The following ZSWIM6 variants were observed in gnomAD, a reference collection of about 807,000 sequenced individuals.
ZSWIM6 encodes the protein zinc finger SWIM-type containing 6.
In ZSWIM6, 9 loss-of-function variants were observed where a neutral mutation model predicts 113.2. That is an observed-to-expected ratio of 0.08 (90% CI 0.05 to 0.14). The LOEUF is 0.14. Among genes scored for constraint, ZSWIM6 ranks in the 10% least tolerant of loss-of-function variants. The pLI, the probability that ZSWIM6 is intolerant of heterozygous loss-of-function variation, is 1.00. For missense variants in ZSWIM6, 1,162 were observed against 1,552.2 expected, an observed-to-expected ratio of 0.75 and a Z score of 4.22; for synonymous variants, 611 against 606.5, an observed-to-expected ratio of 1.01 and a Z score of -0.11.
At chr5:61,375,223 A>C in intron 1 of ZSWIM6, 1 of 1,613,286 alleles carries the variant, frequency 6.2e-7, no homozygotes. Context: ...GAATCGACCA[A>C]GGCCTACCTG....
At position 61,526,043 on chromosome 5, in the gene ZSWIM6, G is replaced by A. The variant is rs888497059; in HGVS notation, c.1690+67G>A. ...TTTGTTTAGTTTCTATAGCATTACT[G>A]GAATGGGAGGTGGAGAACTGAAGGA... is the stretch of plus-strand genomic sequence containing the variant. On this transcript the variant is annotated intron_variant, in intron 6 of 13. Coordinates refer to ENST00000252744, the MANE Select transcript of ZSWIM6 (RefSeq NM_020928.2). 2.2e-4 allele frequency: 329 copies of A among 1,516,982 alleles called. 1 individual carries two copies. The highest frequency in any genetic ancestry group is 6.6e-5 in the Non-Finnish European group (74 of 1,122,300). The allele number at this position is 1,516,982 out of a possible 1,614,324, so 94.0% of individuals were successfully genotyped here.
chr5:61,358,790 C>T (rs925624451), intron 1 of ZSWIM6, among the ~76,000 whole-genome samples: 1 of 152,174 alleles, frequency 6.6e-6, no homozygotes, highest in East Asian at 1.9e-4. Context: ...GGTGCTGAGC[C>T]AGACGCTATA....
chr5:61,464,939 A>C (rs1271262583), intron 1 of ZSWIM6, among the ~76,000 whole-genome samples: 1 of 152,224 alleles, frequency 6.6e-6, no homozygotes, highest in Non-Finnish European at 1.5e-5. Context: ...CTTCATCTGC[A>C]CTTCAGAATT....
chr5:61,534,949 A>G (rs1436397616), intron 9 of ZSWIM6, among the ~76,000 whole-genome samples: 1 of 152,194 alleles, frequency 6.6e-6, no homozygotes, highest in Non-Finnish European at 1.5e-5. Context: ...GTTGCCACTC[A>G]TTAGAGGCAA....
At chr5:61,458,447 T>C (rs189824459) in intron 1 of ZSWIM6, among the ~76,000 whole-genome samples, 18 of 152,340 alleles carry the variant, frequency 1.2e-4, no homozygotes, top group African/African-American at 4.3e-4. Flanking sequence ...ATACTCTACA[T>C]AATTTTGTGC....
Position 61,412,269 on chromosome 5 carries a change from G to C in ZSWIM6, c.677-60412G>C, listed in dbSNP as rs559119421. Among the ~76,000 whole-genome samples the C allele has an allele frequency of 5.3e-5, 8 of 152,292 alleles. No individual in the cohort carries two copies. The South Asian group carries it at 8.3e-4, about 16-fold the overall frequency. On this transcript the variant is annotated intron_variant, in intron 1 of 13. Transcript: ENST00000252744. ...ATGCAGGAATAGAACTTCTGGGTTG[G>C]TCAGAGTTGCAACTACCATAATTTA...
At chr5:61,375,899 C>T (rs1745365893) in intron 1 of ZSWIM6, 1 of 843,820 alleles carries the variant, frequency 1.2e-6, no homozygotes, top group East Asian at 2.7e-5. Context: ...AGTGCAATGT[C>T]TGAGGAAATT....
intron 1 of ZSWIM6, among the ~76,000 whole-genome samples, chr5:61,398,956 T>G (rs1745894788): frequency 8.1e-6 from 1 of 123,442 alleles, no homozygotes; most frequent in South Asian, 2.9e-4. Flanking sequence ...AGAATCTCGC[T>G]CTGTCACCCA....
At chr5:61,523,283 G>A (rs528017586) in intron 5 of ZSWIM6, among the ~76,000 whole-genome samples, 13 of 152,342 alleles carry the variant, frequency 8.5e-5, no homozygotes, top group African/African-American at 3.1e-4. Flanking sequence ...TGTGCACACA[G>A]TATAGGCCAT....
intron 10 of ZSWIM6, among the ~76,000 whole-genome samples, chr5:61,537,415 G>A (rs371597906): frequency 2.0e-5 from 3 of 152,272 alleles, no homozygotes; most frequent in East Asian, 1.9e-4. Context: ...GATGTAGCTC[G>A]CATGCTTCTT....
intron 2 of ZSWIM6, among the ~76,000 whole-genome samples, chr5:61,478,400 G>A (rs1374043): frequency 0.61 from 92,792 of 152,060 alleles, 30,736 homozygotes; most frequent in African/African-American, 0.87. Context: ...TGTGGACAGC[G>A]TGGTTCATAT....
chr5:61,399,170 C>A (rs1297119571), intron 1 of ZSWIM6, among the ~76,000 whole-genome samples: 1 of 150,914 alleles, frequency 6.6e-6, no homozygotes, highest in Non-Finnish European at 1.5e-5. Flanking sequence ...GGTGATCCAC[C>A]CGCCTCAGCC....
Position 61,332,889 on chromosome 5 carries a change from CT to C in ZSWIM6, c.620del (p.Phe207SerfsTer13). 2.3e-6 allele frequency: 3 copies of C among 1,332,654 alleles called. No homozygotes were observed. The highest frequency in any genetic ancestry group is 1.6e-5 in the South Asian group (1 of 61,576). The allele number at this position is 1,332,654 out of a possible 1,614,324, so 82.6% of individuals were successfully genotyped here. A position where few individuals can be genotyped will look rare whatever the true frequency, so the allele number is the denominator to read the frequency against. ...AADGGDETRLPFRRGIALLES... is the reference protein window; with the variant it reads ...AADGGDETRLXFRRGIALLES... Reference sequence around the variant, plus strand: ...GACGGCGGCGACGAGACGCGGCTGCCTTTCCGCCGGGGCATCGCGCTGTTGG... The same window carrying C: ...GACGGCGGCGACGAGACGCGGCTGCCTTCCGCCGGGGCATCGCGCTGTTGG... On this transcript the variant is annotated frameshift_variant, in exon 1 of 14. Coordinates refer to ENST00000252744, the MANE Select transcript of ZSWIM6 (RefSeq NM_020928.2). LOFTEE classifies it high-confidence loss of function.
chr5:61,515,295 CT>C (rs1001489970), intron 4 of ZSWIM6, among the ~76,000 whole-genome samples: 1 of 151,290 alleles, frequency 6.6e-6, no homozygotes, highest in African/African-American at 2.4e-5. Flanking sequence ...TGCCCAGCTA[CT>C]TTTTTTTTGT....
chr5:61,460,290 T>C (rs2112167535), intron 1 of ZSWIM6, among the ~76,000 whole-genome samples: 1 of 152,338 alleles, frequency 6.6e-6, no homozygotes, highest in East Asian at 1.9e-4. Flanking sequence ...TCAGCTCTAC[T>C]GCTTATACTG....
chr5:61,455,787 G>A lies in ZSWIM6; in HGVS notation c.677-16894G>A, dbSNP rs1364693766. 1.2e-4 allele frequency among the ~76,000 whole-genome samples: 16 copies of A among 134,848 alleles called. 1 individual carries two copies. The highest frequency in any genetic ancestry group is 4.5e-4 in the African/African-American group (16 of 35,490). The allele number at this position is 134,848 out of a possible 152,430, so 88.5% of individuals were successfully genotyped here. A position where few individuals can be genotyped will look rare whatever the true frequency, so the allele number is the denominator to read the frequency against. On this transcript the variant is annotated intron_variant, in intron 1 of 13. Coordinates refer to ENST00000252744, the MANE Select transcript of ZSWIM6 (RefSeq NM_020928.2). Reference sequence around the variant, plus strand: ...AAGCAAGTGTTAAGTTAGATTCCCCGCCCCGGCCTTCTCCTCCACCCCCGC... The same window carrying A: ...AAGCAAGTGTTAAGTTAGATTCCCCACCCCGGCCTTCTCCTCCACCCCCGC...
intron 1 of ZSWIM6, chr5:61,375,082 G>A (rs557670663): frequency 3.1e-6 from 5 of 1,591,690 alleles, no homozygotes; most frequent in African/African-American, 2.7e-5. Flanking sequence ...GGTTTCCCTC[G>A]GTGTGCTACT....
intron 13 of ZSWIM6, among the ~76,000 whole-genome samples, chr5:61,542,988 T>G (rs1390745547): frequency 6.6e-6 from 1 of 152,240 alleles, no homozygotes; most frequent in Non-Finnish European, 1.5e-5. Flanking sequence ...GACTTTGTTC[T>G]CTTGATTATG....
chr5:61,385,408 C>T (rs1033824693), intron 1 of ZSWIM6, among the ~76,000 whole-genome samples: 5 of 152,000 alleles, frequency 3.3e-5, no homozygotes, highest in South Asian at 2.1e-4. Context: ...TATTTCAGGG[C>T]GGCATGATAA....
Sources: gnomAD v4.1 joint callset for allele counts (sites outside exome capture counted in the v4.1 genomes callset) on GRCh38, gnomAD v4.1.1 for gene constraint, MANE v1.5 for transcripts, NCBI Gene and HGNC (gene_info 2026-07-23, HGNC 2026-07-21) for gene names.